The following TRIM38 variants were observed in gnomAD, a reference collection of about 807,000 sequenced individuals.
TRIM38 encodes E3 ubiquitin-protein ligase TRIM38.
In TRIM38, 35 loss-of-function variants were observed where a neutral mutation model predicts 35.8. The ratio of observed to expected loss-of-function variants is 0.98; its 90% CI spans 0.75 to 1.30. The LOEUF (loss-of-function observed/expected upper bound fraction) is 1.30. Ranked by LOEUF, TRIM38 falls within the 50% of genes most tolerant of loss-of-function variation. The probability of loss-of-function intolerance (pLI) is 0.00; values close to 1 mark genes in which losing one functional copy is unlikely to be tolerated. For synonymous variants in TRIM38, 198 were observed against 204.7 expected, an observed-to-expected ratio of 0.97 and a Z score of 0.28; for missense variants, 545 against 556.9, an observed-to-expected ratio of 0.98 and a Z score of 0.21.
rs71544660 is a variant in TRIM38, at chr6:25,988,496, CT to C, written c.*4826del. On this transcript the variant is annotated 3_prime_UTR_variant, in exon 8 of 8. Coordinates refer to ENST00000357085, the MANE Select transcript of TRIM38 (RefSeq NM_006355.5). ...TTTCTTTTTCTTTTTTCTTTTCTTT[CT>C]TTTTTTTTTTTTTTTTGAGACAGAG... 9.5e-4 allele frequency: 60 copies of C among 63,028 alleles called. 3 individuals carry two copies. Among genetic ancestry groups the C allele is most frequent in the Non-Finnish European group, 1.4e-3 (52 of 37,378 alleles). 3.9% of individuals were successfully genotyped at this position (63,028 alleles called of 1,614,324 possible). A position where few individuals can be genotyped will look rare whatever the true frequency, so the allele number is the denominator to read the frequency against.
chr6:25,967,498 T>C (rs1036580943), intron 3 of TRIM38, among the ~76,000 whole-genome samples: 2 of 150,262 alleles, frequency 1.3e-5, no homozygotes, highest in Non-Finnish European at 3.0e-5. Flanking sequence ...GTCAGTGACA[T>C]TGAAAATATC....
At position 25,983,026 on chromosome 6, in the gene TRIM38, T is replaced by A. The variant is rs920258290; in HGVS notation, c.875-138T>A. On this transcript the variant is annotated intron_variant, in intron 7 of 7. Coordinates refer to ENST00000357085, the MANE Select transcript of TRIM38 (RefSeq NM_006355.5). The stretch of plus-strand genomic sequence containing the variant: ...ATTGCCTGAATCCAGGAGGTGGAGG[T>A]TGCAGTGAGTTGAGATAGTGCCAGT... 1.1e-5 allele frequency: 8 copies of A among 733,702 alleles called. No homozygotes were observed. The African/African-American group carries it at 1.3e-4, about 11-fold the overall frequency. 45.4% of individuals were successfully genotyped at this position (733,702 alleles called of 1,614,324 possible).
At chr6:25,978,457 T>C (rs1483869809) in intron 7 of TRIM38, among the ~76,000 whole-genome samples, 1 of 152,118 alleles carries the variant, frequency 6.6e-6, no homozygotes, top group Non-Finnish European at 1.5e-5. Context: ...CTATATTATA[T>C]ATAAAAGTGA....
chr6:25,987,882 A>G lies in TRIM38; in HGVS notation c.*4195A>G, dbSNP rs1314036493. 1 of 152,088 alleles carries G rather than the reference A, an allele frequency of 6.6e-6. No homozygotes were observed. The highest frequency in any genetic ancestry group is 1.5e-5 in the Non-Finnish European group (1 of 68,016). 9.4% of individuals were successfully genotyped at this position (152,088 alleles called of 1,614,324 possible). On this transcript the variant is annotated 3_prime_UTR_variant, in exon 8 of 8. Transcript: ENST00000357085. Reference sequence around the variant, plus strand: ...CCAATTTCTATCAACTAATCTTTTGACTGTGTCCATAGTTACTGTCTTTTC... The same window carrying G: ...CCAATTTCTATCAACTAATCTTTTGGCTGTGTCCATAGTTACTGTCTTTTC...
intron 3 of TRIM38, 82 bp downstream of exon 3, chr6:25,967,015 C>G: frequency 7.2e-7 from 1 of 1,398,562 alleles, no homozygotes; most frequent in Non-Finnish European, 9.7e-7. Flanking sequence ...AACTTGAAAC[C>G]TAACATTATG....
chr6:25,977,462 G>A (rs1363456564), intron 7 of TRIM38, among the ~76,000 whole-genome samples: 1 of 152,216 alleles, frequency 6.6e-6, no homozygotes, highest in East Asian at 1.9e-4. Context: ...TTGAGGGCAG[G>A]AGTTTGAGAC....
chr6:25,979,370 G>A (rs938269293), intron 7 of TRIM38, among the ~76,000 whole-genome samples: 2 of 151,820 alleles, frequency 1.3e-5, no homozygotes, highest in Admixed American at 1.3e-4. Context: ...ATTATCTGTC[G>A]GTAAAATTTA....
At chr6:25,975,739 T>C in intron 7 of TRIM38, 1 of 950,270 alleles carries the variant, frequency 1.1e-6, no homozygotes, top group Non-Finnish European at 1.3e-6. Flanking sequence ...CTGTCTCTTC[T>C]ATGTTACTCG....
At chr6:25,976,478 T>C (rs890474504) in intron 7 of TRIM38, among the ~76,000 whole-genome samples, 3 of 152,174 alleles carry the variant, frequency 2.0e-5, no homozygotes, top group Non-Finnish European at 4.4e-5. Flanking sequence ...TTTATTTTGT[T>C]CAGGCTGGTC....
At chr6:25,969,181 TTAGCATGCTCTC>T (rs1760150986) in intron 3 of TRIM38, 132 bp from the exon 4 acceptor site, 1 of 618,336 alleles carries the variant, frequency 1.6e-6, no homozygotes, top group Non-Finnish European at 2.8e-6. Flanking sequence ...CATATAGCCT[TTAGCATGCTCTC>T]TAGCAAAAAA....
At chr6:25,982,258 T>C (rs980839167) in intron 7 of TRIM38, among the ~76,000 whole-genome samples, 1 of 152,150 alleles carries the variant, frequency 6.6e-6, no homozygotes, top group African/African-American at 2.4e-5. Flanking sequence ...TCCTCTACTA[T>C]CTCAAGCAGC....
At chr6:25,976,408 C>G (rs1324874675) in intron 7 of TRIM38, among the ~76,000 whole-genome samples, 9 of 152,212 alleles carry the variant, frequency 5.9e-5, no homozygotes, top group Non-Finnish European at 1.3e-4. Flanking sequence ...GCTGGGACCA[C>G]AGGCAAGCAC....
rs145317359 is a variant in TRIM38 at position 25,981,947 on chromosome 6, T to G, written c.875-1217T>G. Among the ~76,000 whole-genome samples, 1,089 of 152,334 alleles carry G rather than the reference T, an allele frequency of 7.1e-3. 9 individuals are homozygous for G. Among genetic ancestry groups the G allele is most frequent in the African/African-American group, 0.022 (915 of 41,578 alleles). ...TGAATAATTAAGACGAAGATGATGT[T>G]GATGATATCATTATTACTACATGTT... On this transcript the variant is annotated intron_variant, in intron 7 of 7. Coordinates refer to ENST00000357085, the MANE Select transcript of TRIM38 (RefSeq NM_006355.5).
chr6:25,970,132 G>A (rs1026052315), intron 4 of TRIM38, among the ~76,000 whole-genome samples: 4 of 151,970 alleles, frequency 2.6e-5, no homozygotes, highest in Admixed American at 2.0e-4. Flanking sequence ...TGGCCAGGAT[G>A]GTCTTGATCT....
chr6:25,979,088 T>C (rs1760477956), intron 7 of TRIM38, among the ~76,000 whole-genome samples: 1 of 152,042 alleles, frequency 6.6e-6, no homozygotes, highest in Non-Finnish European at 1.5e-5. Flanking sequence ...TATACATATA[T>C]AATATGTAGA....
Position 25,987,954 on chromosome 6 carries a change from A to C in TRIM38, c.*4267A>C, listed in dbSNP as rs1416595366. The stretch of plus-strand genomic sequence containing the variant: ...AGCAGGAAGCAGGAGTGAACTCCGG[A>C]GGCAGGGACTTTACTCCGGACCAGA... On this transcript the variant is annotated 3_prime_UTR_variant, in exon 8 of 8. Coordinates refer to ENST00000357085, the MANE Select transcript of TRIM38 (RefSeq NM_006355.5). 6.6e-6 allele frequency: 1 copy of C among 152,154 alleles called. No individual in the cohort carries two copies. Among genetic ancestry groups the C allele is most frequent in the Non-Finnish European group, 1.5e-5 (1 of 68,042 alleles). 9.4% of individuals were successfully genotyped at this position (152,154 alleles called of 1,614,324 possible). A position where few individuals can be genotyped will look rare whatever the true frequency, so the allele number is the denominator to read the frequency against.
intron 4 of TRIM38, among the ~76,000 whole-genome samples, chr6:25,969,675 T>A (rs1370916597): frequency 6.6e-6 from 1 of 152,204 alleles, no homozygotes; most frequent in Non-Finnish European, 1.5e-5. Context: ...AGAAGCAGAA[T>A]TAGTATGACT....
Position 25,972,020 on chromosome 6 carries a change from G to A in TRIM38, c.659G>A (p.Gly220Glu). ...SRLRDYEAGL[G>E]LKSNELKSHI... ...CTGAGGGACTATGAGGCTGGTCTGGGGCTGAAGAGCAATGAACTCAAGAGC... is the reference window on the plus strand; with the variant it reads ...CTGAGGGACTATGAGGCTGGTCTGGAGCTGAAGAGCAATGAACTCAAGAGC... The change falls in exon 5 of 8, where the codon GGG becomes GAG. Residue 220 changes from glycine (G) to glutamate (E), a missense_variant. Physicochemically the swap from Gly to Glu is moderately conservative, Grantham distance 98. Transcript: ENST00000357085. 3 of 1,614,122 alleles carry A rather than the reference G, an allele frequency of 1.9e-6. No individual in the cohort carries two copies. Among genetic ancestry groups the A allele is most frequent in the Non-Finnish European group, 2.5e-6 (3 of 1,180,030 alleles).
Position 25,966,645 on chromosome 6 carries a change from A to C in TRIM38, c.123A>C (p.Thr41=), listed in dbSNP as rs2113578718. Reference sequence around the variant, plus strand: ...ACAGCTACTGCCACTTGTGTATAACAGACTTCTTTAAAAACCCAAGCCAAA... The same window carrying C: ...ACAGCTACTGCCACTTGTGTATAACCGACTTCTTTAAAAACCCAAGCCAAA... ...CGHSYCHLCI[T]DFFKNPSQKQ... Residue 41 remains threonine, a synonymous_variant, in exon 3 of 8, where the codon ACA becomes ACC. Coordinates refer to ENST00000357085, the MANE Select transcript of TRIM38 (RefSeq NM_006355.5). 1 of 1,614,192 alleles carries C rather than the reference A, an allele frequency of 6.2e-7. No homozygotes were observed. Among genetic ancestry groups the C allele is most frequent in the Non-Finnish European group, 8.5e-7 (1 of 1,180,034 alleles).
Sources: allele counts gnomAD v4.1 joint callset (sites outside exome capture counted in the v4.1 genomes callset), GRCh38; gene constraint gnomAD v4.1.1; transcripts MANE v1.5; gene names NCBI Gene and HGNC (gene_info 2026-07-23, HGNC 2026-07-21).